ST7L: variants seen among roughly 807,000 people sequenced by gnomAD.
The protein encoded by ST7L is suppression of tumorigenicity 7 like.
ST7L carries 57 observed loss-of-function variants against 72.5 expected under a neutral mutation model. The ratio of observed to expected loss-of-function variants is 0.79; its 90% CI spans 0.64 to 0.98. The LOEUF (loss-of-function observed/expected upper bound fraction) is 0.98, where lower values mean the gene tolerates loss of function less well. ST7L is among the 50% of genes least tolerant of loss of function. The pLI is 0.00. For missense variants in ST7L, 576 were observed against 672.2 expected, an observed-to-expected ratio of 0.86 and a Z score of 1.58; for synonymous variants, 221 against 240.9, an observed-to-expected ratio of 0.92 and a Z score of 0.77.
At chr1:112,619,413 C>CT, upstream of ST7L, 1 of 543,906 alleles carries the variant, frequency 1.8e-6, no homozygotes, top group Non-Finnish European at 3.2e-6. Flanking sequence ...CACCGCCCCC[C>CT]CCCCGGGGTT....
At chr1:112,605,582 C>A (rs571800589) in intron 3 of ST7L, among the ~76,000 whole-genome samples, 179 of 151,718 alleles carry the variant, frequency 1.2e-3, no homozygotes, top group African/African-American at 4.0e-3. Context: ...CCCAGCTACT[C>A]GGGAGGCTGA....
At chr1:112,543,408 C>T (rs190644673) in intron 13 of ST7L, among the ~76,000 whole-genome samples, 6 of 152,098 alleles carry the variant, frequency 3.9e-5, no homozygotes, top group African/African-American at 1.2e-4. Flanking sequence ...ATTAGGTGGG[C>T]GTGGTGACAC....
In ST7L at chr1:112,547,561, CTTTTTTTTTTT is replaced by C. The variant is rs59755766; in HGVS notation, c.1489+3029_1489+3039del. ...ACACATTGTCTGTCATCTTTGTCAT[CTTTTTTTTTTT>C]TTTTTTTTTTTTTTTGGAGACAGAG... is the stretch of plus-strand genomic sequence containing the variant. On this transcript the variant is annotated intron_variant, in intron 13 of 14. Coordinates refer to ENST00000358039, the MANE Select transcript of ST7L (RefSeq NM_017744.5). Among the ~76,000 whole-genome samples, 79 of 62,028 alleles carry C rather than the reference CTTTTTTTTTTT, an allele frequency of 1.3e-3. 1 individual carries two copies. The highest frequency in any genetic ancestry group is 2.1e-3 in the Non-Finnish European group (70 of 33,480). The allele number at this position is 62,028 out of a possible 152,430, so 40.7% of individuals were successfully genotyped here.
chr1:112,566,576 C>T (rs1052864034), intron 11 of ST7L, among the ~76,000 whole-genome samples: 3 of 152,260 alleles, frequency 2.0e-5, no homozygotes, highest in Non-Finnish European at 4.4e-5. Context: ...GGATTACAGG[C>T]ATGAGCCACT....
intron 14 of ST7L, chr1:112,540,909 T>G (rs1323097260): frequency 8.3e-7 from 1 of 1,204,922 alleles, no homozygotes; most frequent in African/African-American, 1.6e-5. Flanking sequence ...AAAGATGCAT[T>G]TTTAAAAAGG....
chr1:112,604,803 A>G (rs1217142223), intron 3 of ST7L, among the ~76,000 whole-genome samples: 1 of 139,358 alleles, frequency 7.2e-6, no homozygotes, highest in Non-Finnish European at 1.6e-5. Flanking sequence ...AAAAAAAAAA[A>G]GACTGGGCGT....
At chr1:112,605,632 G>A (rs923540612) in intron 3 of ST7L, among the ~76,000 whole-genome samples, 2 of 152,138 alleles carry the variant, frequency 1.3e-5, no homozygotes, top group Non-Finnish European at 2.9e-5. Flanking sequence ...AGAGGTTTCA[G>A]TGAGTCGAGA....
intron 2 of ST7L, among the ~76,000 whole-genome samples, chr1:112,614,712 C>T (rs766290527): frequency 4.6e-5 from 7 of 151,776 alleles, no homozygotes; most frequent in Non-Finnish European, 7.4e-5. Context: ...TTTGGGAGGC[C>T]GAGGAGAATG....
At chr1:112,541,737 A>G (rs1656134686) in intron 14 of ST7L, 1 of 1,201,536 alleles carries the variant, frequency 8.3e-7, no homozygotes, top group African/African-American at 1.6e-5. Flanking sequence ...TTACAATCTT[A>G]TATTGTATTC....
At chr1:112,570,262 A>C (rs1400193086) in intron 11 of ST7L, among the ~76,000 whole-genome samples, 1 of 152,002 alleles carries the variant, frequency 6.6e-6, no homozygotes. Flanking sequence ...CTATACACTG[A>C]AATTCATTTA....
chr1:112,592,506 A>C (rs1430362298), intron 5 of ST7L, among the ~76,000 whole-genome samples: 5 of 152,170 alleles, frequency 3.3e-5, no homozygotes, highest in African/African-American at 1.2e-4. Context: ...CTGCCACCTA[A>C]CGCTTCCTGA....
chr1:112,560,302 G>A (rs549899966), intron 11 of ST7L, among the ~76,000 whole-genome samples: 2 of 152,158 alleles, frequency 1.3e-5, no homozygotes, highest in African/African-American at 4.8e-5. Context: ...GCTGAGACAG[G>A]AGAATGGCGT....
In ST7L at chr1:112,582,365, A is replaced by G. The variant is rs1664255300; in HGVS notation, c.954+10T>C. 4 of 1,576,992 alleles carry G rather than the reference A, an allele frequency of 2.5e-6. No homozygotes were observed. The highest frequency in any genetic ancestry group is 2.2e-5 in the East Asian group (1 of 44,512). ...AATAAATGTAATAGTCCCATCATCA[A>G]TTTACTTACATCTCTCATTATTTTT... On this transcript the variant is annotated intron_variant, in intron 8 of 14. Coordinates refer to ENST00000358039, the MANE Select transcript of ST7L (RefSeq NM_017744.5).
intron 11 of ST7L, among the ~76,000 whole-genome samples, chr1:112,576,167 TAC>T (rs758606556): frequency 6.6e-6 from 1 of 152,116 alleles, no homozygotes; most frequent in Non-Finnish European, 1.5e-5. Context: ...TGCAGCTCAC[TAC>T]AGTCTCGACC....
intron 11 of ST7L, among the ~76,000 whole-genome samples, chr1:112,576,336 C>T (rs543520039): frequency 6.0e-4 from 92 of 152,286 alleles, no homozygotes; most frequent in African/African-American, 2.1e-3. Flanking sequence ...AAGTAATCCT[C>T]CCACCTCGGC....
chr1:112,530,493 C>T (rs945182990), intron 14 of ST7L, among the ~76,000 whole-genome samples: 3 of 152,164 alleles, frequency 2.0e-5, no homozygotes, highest in African/African-American at 7.2e-5. Flanking sequence ...TGGCTCACTG[C>T]AACCTTCGCC....
intron 11 of ST7L, among the ~76,000 whole-genome samples, chr1:112,569,970 A>AC (rs1258309709): frequency 6.6e-6 from 1 of 151,454 alleles, no homozygotes; most frequent in Non-Finnish European, 1.5e-5. Context: ...AAAAAAAAAA[A>AC]AAAACAAAAA....
At chr1:112,561,631 C>T (rs1184430059) in intron 11 of ST7L, among the ~76,000 whole-genome samples, 3 of 151,342 alleles carry the variant, frequency 2.0e-5, no homozygotes, top group Non-Finnish European at 2.9e-5. Flanking sequence ...CAGGCGTGCA[C>T]CACCACACCT....
intron 11 of ST7L, among the ~76,000 whole-genome samples, chr1:112,557,370 A>G (rs1020185310): frequency 4.6e-5 from 7 of 152,170 alleles, no homozygotes; most frequent in African/African-American, 1.4e-4. Flanking sequence ...TTCACTTAGC[A>G]TAATGTTTTC....
Sources: allele counts gnomAD v4.1 joint callset (sites outside exome capture counted in the v4.1 genomes callset), GRCh38; gene constraint gnomAD v4.1.1; transcripts MANE v1.5; gene names NCBI Gene and HGNC (gene_info 2026-07-23, HGNC 2026-07-21).